The following HS6ST3 variants were observed in gnomAD, a reference collection of about 807,000 sequenced individuals.
HS6ST3 encodes heparan sulfate 6-O-sulfotransferase 3.
Under a neutral mutation model 36.7 loss-of-function variants are expected in HS6ST3, and 12 were observed. The observed-to-expected ratio is 0.33, with a 90% confidence interval of 0.21 to 0.53. The LOEUF is 0.53. HS6ST3 is among the 20% of genes least tolerant of loss of function. The pLI is 0.95. For synonymous variants in HS6ST3, 240 were observed against 257.5 expected (o/e 0.93, Z 0.65); for missense variants, 584 against 640.9 (o/e 0.91, Z 0.96).
intron 1 of HS6ST3, among the ~76,000 whole-genome samples, chr13:96,106,420 A>T (rs1594677993): frequency 6.6e-6 from 1 of 152,290 alleles, no homozygotes; most frequent in East Asian, 1.9e-4. Context: ...ACTATAGAGA[A>T]GCCTACTTGG....
intron 1 of HS6ST3, among the ~76,000 whole-genome samples, chr13:96,197,451 A>G (rs932018457): frequency 2.0e-5 from 3 of 152,118 alleles, no homozygotes; most frequent in Non-Finnish European, 2.9e-5. Flanking sequence ...GACAGCCAAA[A>G]CATATCATTC....
At chr13:96,746,255 G>C (rs1024579283) in intron 1 of HS6ST3, among the ~76,000 whole-genome samples, 1 of 152,042 alleles carries the variant, frequency 6.6e-6, no homozygotes, top group African/African-American at 2.4e-5. Flanking sequence ...GGAATTGAAA[G>C]CTTAAAAAGG....
chr13:96,108,997 A>ATCTCTG (rs2053855832), intron 1 of HS6ST3, among the ~76,000 whole-genome samples: 1 of 151,776 alleles, frequency 6.6e-6, no homozygotes, highest in Non-Finnish European at 1.5e-5. Context: ...CTCTATCTCT[A>ATCTCTG]TCCCTCTATC....
chr13:96,148,413 A>G (rs1348009247), intron 1 of HS6ST3, among the ~76,000 whole-genome samples: 4 of 152,206 alleles, frequency 2.6e-5, no homozygotes, highest in Non-Finnish European at 5.9e-5. Context: ...ATACCTGTGA[A>G]TAGGGTCTGT....
At chr13:96,210,470 C>T (rs2054393299) in intron 1 of HS6ST3, among the ~76,000 whole-genome samples, 1 of 152,162 alleles carries the variant, frequency 6.6e-6, no homozygotes, top group African/African-American at 2.4e-5. Flanking sequence ...GCTCACATAC[C>T]CATAGCCTTA....
chr13:96,671,016 AG>A (rs2138431078), intron 1 of HS6ST3, among the ~76,000 whole-genome samples: 1 of 152,250 alleles, frequency 6.6e-6, no homozygotes, highest in South Asian at 2.1e-4. Flanking sequence ...CTTTAGGGAT[AG>A]GCTTTACTTT....
intron 1 of HS6ST3, among the ~76,000 whole-genome samples, chr13:96,315,139 C>T (rs1270649751): frequency 1.3e-5 from 2 of 152,126 alleles, no homozygotes; most frequent in African/African-American, 4.8e-5. Flanking sequence ...AGGAGAAAAT[C>T]AGTGACTCAT....
intron 1 of HS6ST3, among the ~76,000 whole-genome samples, chr13:96,195,176 G>A (rs371109973): frequency 2.0e-5 from 3 of 151,956 alleles, no homozygotes; most frequent in African/African-American, 7.3e-5. Context: ...AAACTAAAAC[G>A]GGAAACAAAA....
intron 1 of HS6ST3, among the ~76,000 whole-genome samples, chr13:96,215,658 GT>G (rs149904919): frequency 0.04 from 6,103 of 150,888 alleles, 134 homozygotes; most frequent in East Asian, 0.056. Context: ...GAATTTTTTC[GT>G]TTTTTTTCCC....
chr13:96,758,121 A>G (rs188286526), intron 1 of HS6ST3, among the ~76,000 whole-genome samples: 10 of 151,984 alleles, frequency 6.6e-5, no homozygotes, highest in Admixed American at 4.6e-4. Flanking sequence ...TAATATATGT[A>G]TATTTTAGCT....
At chr13:96,599,563 T>C (rs1256293809) in intron 1 of HS6ST3, among the ~76,000 whole-genome samples, 1 of 152,048 alleles carries the variant, frequency 6.6e-6, no homozygotes, top group African/African-American at 2.4e-5. Context: ...TATATCAATT[T>C]TTTTATCTTT....
intron 1 of HS6ST3, among the ~76,000 whole-genome samples, chr13:96,249,962 A>G (rs1416452971): frequency 6.6e-6 from 1 of 152,178 alleles, no homozygotes; most frequent in Non-Finnish European, 1.5e-5. Context: ...GGTGTCATTT[A>G]GTGGGTACCA....
chr13:96,455,542 G>A (rs1338629928), intron 1 of HS6ST3, among the ~76,000 whole-genome samples: 1 of 152,034 alleles, frequency 6.6e-6, no homozygotes, highest in Non-Finnish European at 1.5e-5. Context: ...AAGGGTAATT[G>A]GGTATCAGTC....
chr13:96,808,193 A>G (rs987852286), intron 1 of HS6ST3, among the ~76,000 whole-genome samples: 6 of 152,178 alleles, frequency 3.9e-5, no homozygotes, highest in Non-Finnish European at 8.8e-5. Flanking sequence ...AGCCTTTAGT[A>G]TGGATAAGAT....
chr13:96,190,188 T>C (rs545268331), intron 1 of HS6ST3, among the ~76,000 whole-genome samples: 2 of 152,300 alleles, frequency 1.3e-5, no homozygotes, highest in Admixed American at 1.3e-4. Flanking sequence ...CATTCATTTG[T>C]TAATTTGTAC....
intron 1 of HS6ST3, among the ~76,000 whole-genome samples, chr13:96,217,337 T>G (rs1188456631): frequency 6.6e-6 from 1 of 152,184 alleles, no homozygotes; most frequent in Non-Finnish European, 1.5e-5. Context: ...TCTTAGAGAT[T>G]TAAAATACTG....
intron 1 of HS6ST3, among the ~76,000 whole-genome samples, chr13:96,660,331 A>G (rs2056642102): frequency 1.3e-5 from 2 of 152,140 alleles, no homozygotes; most frequent in South Asian, 2.1e-4. Context: ...GAAAATTGTA[A>G]ATTATTATAC....
At chr13:96,395,575 C>T (rs1329079973) in intron 1 of HS6ST3, among the ~76,000 whole-genome samples, 18 of 152,134 alleles carry the variant, frequency 1.2e-4, no homozygotes, top group Admixed American at 9.8e-4. Flanking sequence ...TAGATAATGG[C>T]GGACTTAGTA....
At chr13:96,327,023 G>C (rs1335388682) in intron 1 of HS6ST3, among the ~76,000 whole-genome samples, 1 of 140,324 alleles carries the variant, frequency 7.1e-6, no homozygotes, top group Non-Finnish European at 1.5e-5. Context: ...TTTTGATGGG[G>C]TTGTTTGTTT....
Sources: allele counts gnomAD v4.1 joint callset (sites outside exome capture counted in the v4.1 genomes callset), GRCh38; gene constraint gnomAD v4.1.1; transcripts MANE v1.5; gene names NCBI Gene and HGNC (gene_info 2026-07-23, HGNC 2026-07-21).